Variants in SLCO3A1 observed in about 807,000 individuals in gnomAD.
SLCO3A1 encodes the protein PGE1 transporter.
In SLCO3A1, 27 loss-of-function variants were observed where a neutral mutation model predicts 63.1. That is an observed-to-expected ratio of 0.43 (90% CI 0.32 to 0.59). The LOEUF (loss-of-function observed/expected upper bound fraction) is 0.59. SLCO3A1 is among the 20% of genes least tolerant of loss of function. The pLI, the probability that SLCO3A1 is intolerant of heterozygous loss-of-function variation, is 0.09. For missense variants in SLCO3A1, 773 were observed against 945.8 expected, an observed-to-expected ratio of 0.82 and a Z score of 2.40; for synonymous variants, 473 against 409.9, an observed-to-expected ratio of 1.15 and a Z score of -1.86.
Position 92,163,370 on chromosome 15 carries a change from G to T in SLCO3A1, c.*235G>T. ...CAGGGTCCTGGAGGCCACTTGCGCG[G>T]CTGGGCCACAGAGTCTACTTTGAAG... On this transcript the variant is annotated 3_prime_UTR_variant, in exon 10 of 10. Transcript: ENST00000318445. 1 of 1,152,110 alleles carries T rather than the reference G, an allele frequency of 8.7e-7. No homozygotes were observed. 71.4% of individuals were successfully genotyped at this position (1,152,110 alleles called of 1,614,324 possible).
At chr15:92,020,913 G>T (rs2046500858) in intron 2 of SLCO3A1, among the ~76,000 whole-genome samples, 1 of 152,214 alleles carries the variant, frequency 6.6e-6, no homozygotes, top group Non-Finnish European at 1.5e-5. Context: ...ATAAAGAAGT[G>T]AATTTAGTAA....
At chr15:92,065,592 G>C (rs1322487356) in intron 2 of SLCO3A1, among the ~76,000 whole-genome samples, 1 of 152,162 alleles carries the variant, frequency 6.6e-6, no homozygotes, top group African/African-American at 2.4e-5. Flanking sequence ...ATTCAGTAGA[G>C]TTGCCATAAC....
chr15:92,019,376 A>G (rs972965190), intron 2 of SLCO3A1, among the ~76,000 whole-genome samples: 2 of 152,202 alleles, frequency 1.3e-5, no homozygotes, highest in African/African-American at 4.8e-5. Flanking sequence ...AATCAGGTAA[A>G]GGCAAAGCAT....
chr15:92,089,723 C>T (rs7178811), intron 2 of SLCO3A1, among the ~76,000 whole-genome samples: 79,109 of 151,934 alleles, frequency 0.52, 22,734 homozygotes, highest in Non-Finnish European at 0.65. Flanking sequence ...TTATATAGTG[C>T]GGGAAAAGGC....
In SLCO3A1 at chr15:91,916,937, A is replaced by G. The variant is rs1241622544; in HGVS notation, c.646+479A>G. 6.6e-5 allele frequency among the ~76,000 whole-genome samples: 10 copies of G among 152,164 alleles called. No individual in the cohort carries two copies. The highest frequency in any genetic ancestry group is 6.5e-4 in the Admixed American group (10 of 15,284). Reference sequence around the variant, plus strand: ...TCATTCGAAGTTGGTGACTTCCGGTAATTTTTTCAATAATGGAAGTATGCA... The same window carrying G: ...TCATTCGAAGTTGGTGACTTCCGGTGATTTTTTCAATAATGGAAGTATGCA... On this transcript the variant is annotated intron_variant, in intron 2 of 9. Coordinates refer to ENST00000318445, the MANE Select transcript of SLCO3A1 (RefSeq NM_013272.4). This position sits in a 1 kb window ranked among gnomAD's most constrained non-coding sequence, Gnocchi z 6.2.
At chr15:92,109,383 G>A (rs773728288) in intron 4 of SLCO3A1, among the ~76,000 whole-genome samples, 4 of 152,188 alleles carry the variant, frequency 2.6e-5, no homozygotes, top group East Asian at 3.9e-4. Flanking sequence ...CTAGAAGTAC[G>A]GCTGCTGGCT....
At chr15:91,867,224 C>T (rs1897187314) in intron 1 of SLCO3A1, among the ~76,000 whole-genome samples, 1 of 152,206 alleles carries the variant, frequency 6.6e-6, no homozygotes, top group Non-Finnish European at 1.5e-5. Context: ...GGAAGTCAGT[C>T]TGCTAGCCTG....
Position 91,974,265 on chromosome 15 carries a change from G to GTTGTTGTTGTTGTTATTA in SLCO3A1, c.646+57809_646+57810insGTTGTTGTTGTTATTATT, listed in dbSNP as rs147991710. 4.1e-3 allele frequency among the ~76,000 whole-genome samples: 584 copies of GTTGTTGTTGTTGTTATTA among 142,944 alleles called. 6 individuals are homozygous for GTTGTTGTTGTTGTTATTA. The highest frequency in any genetic ancestry group is 0.04 in the South Asian group (175 of 4,392). 93.8% of individuals were successfully genotyped at this position (142,944 alleles called of 152,430 possible). A position where few individuals can be genotyped will look rare whatever the true frequency, so the allele number is the denominator to read the frequency against. ...CTAAACGGACACCATTTTCATTATT[G>GTTGTTGTTGTTGTTATTA]TTATTATTATTATTATTATTATTAT... On this transcript the variant is annotated intron_variant, in intron 2 of 9. Coordinates refer to ENST00000318445, the MANE Select transcript of SLCO3A1 (RefSeq NM_013272.4).
At chr15:92,157,979 T>C (rs887800027) in intron 9 of SLCO3A1, among the ~76,000 whole-genome samples, 3 of 152,188 alleles carry the variant, frequency 2.0e-5, no homozygotes, top group Admixed American at 1.3e-4. Flanking sequence ...TTCACAAATT[T>C]GCATTTCCTC....
chr15:92,055,877 A>G (rs2047015355), intron 2 of SLCO3A1, among the ~76,000 whole-genome samples: 1 of 152,200 alleles, frequency 6.6e-6, no homozygotes, highest in South Asian at 2.1e-4. Flanking sequence ...GGTTAGTCAG[A>G]TTCGATTTGT....
chr15:92,080,770 C>G (rs2047334136), intron 2 of SLCO3A1, among the ~76,000 whole-genome samples: 1 of 152,200 alleles, frequency 6.6e-6, no homozygotes, highest in South Asian at 2.1e-4. Flanking sequence ...GGTTCTGTCA[C>G]CATGCTCAGT....
chr15:91,938,473 G>GTTTTT (rs1035027089), intron 2 of SLCO3A1, among the ~76,000 whole-genome samples: 15 of 126,808 alleles, frequency 1.2e-4, no homozygotes, highest in African/African-American at 5.1e-4. Flanking sequence ...CTAAACATTG[G>GTTTTT]TTTTTTTTGT....
At chr15:92,046,341 C>T (rs868037748) in intron 2 of SLCO3A1, among the ~76,000 whole-genome samples, 1 of 151,718 alleles carries the variant, frequency 6.6e-6, no homozygotes, top group Admixed American at 6.6e-5. Flanking sequence ...ATGGTGAAAC[C>T]TTGTCTCTAC....
intron 2 of SLCO3A1, among the ~76,000 whole-genome samples, chr15:92,080,938 CTGTGTGTGTGTGTGTGTG>C (rs542459686): frequency 6.0e-4 from 77 of 128,942 alleles, no homozygotes; most frequent in South Asian, 1.3e-3. Context: ...TACATAGTAG[CTGTGTGTGTGTGTGTGTG>C]TGTGTGTGTG....
At chr15:91,901,636 C>T (rs1366249419) in intron 1 of SLCO3A1, among the ~76,000 whole-genome samples, 1 of 152,158 alleles carries the variant, frequency 6.6e-6, no homozygotes, top group Non-Finnish European at 1.5e-5. Context: ...TCTTGGTTGA[C>T]GGTTTGTTTT....
chr15:92,065,992 G>C (rs775421366), intron 2 of SLCO3A1, among the ~76,000 whole-genome samples: 1 of 152,246 alleles, frequency 6.6e-6, no homozygotes, highest in Non-Finnish European at 1.5e-5. Flanking sequence ...ATGGAAAGTA[G>C]TGAGCTTTCT....
intron 2 of SLCO3A1, among the ~76,000 whole-genome samples, chr15:92,022,697 G>C (rs189177676): frequency 5.3e-5 from 8 of 152,192 alleles, no homozygotes; most frequent in Admixed American, 5.2e-4. Flanking sequence ...AGATGCTTTG[G>C]TAAATGGTAT....
At chr15:92,136,223 A>T (rs1254069066) in intron 7 of SLCO3A1, among the ~76,000 whole-genome samples, 1 of 152,248 alleles carries the variant, frequency 6.6e-6, no homozygotes, top group Non-Finnish European at 1.5e-5. Flanking sequence ...TTTCCATAGA[A>T]GGCTCGTAAT....
At chr15:92,150,835 G>A (rs1317614045) in intron 8 of SLCO3A1, 115 bp from the exon 9 acceptor site, 5 of 633,438 alleles carry the variant, frequency 7.9e-6, no homozygotes, top group African/African-American at 7.4e-5. Context: ...GACACTATTA[G>A]TAATTTTCTA....
Sources: gnomAD v4.1 joint callset for allele counts (sites outside exome capture counted in the v4.1 genomes callset) on GRCh38, gnomAD v4.1.1 for gene constraint, Gnocchi (gnomAD v3.1) non-coding constraint, MANE v1.5 for transcripts, NCBI Gene and HGNC (gene_info 2026-07-23, HGNC 2026-07-21) for gene names.